The following HCN4 variants were observed in gnomAD, a reference collection of about 807,000 sequenced individuals.
HCN4 encodes the protein potassium/sodium hyperpolarization-activated cyclic nucleotide-gated channel 4.
Under a neutral mutation model 76.9 loss-of-function variants are expected in HCN4, and 29 were observed. That is an observed-to-expected ratio of 0.38 (90% confidence interval 0.28 to 0.51). The LOEUF is 0.51. Among genes scored for constraint, HCN4 ranks in the 20% least tolerant of loss-of-function variants. The probability of loss-of-function intolerance (pLI) is 0.90; values close to 1 mark genes in which losing one functional copy is unlikely to be tolerated. For missense variants in HCN4, 1,416 were observed against 1,715.2 expected (o/e 0.83, Z 3.08); for synonymous variants, 772 against 762.5 (o/e 1.01, Z -0.21).
intron 2 of HCN4, among the ~76,000 whole-genome samples, chr15:73,332,603 G>A (rs2042939773): frequency 6.6e-6 from 1 of 152,200 alleles, no homozygotes; most frequent in African/African-American, 2.4e-5. Flanking sequence ...CCCAGAAGTG[G>A]GCAGAGAAGC....
intron 1 of HCN4, among the ~76,000 whole-genome samples, chr15:73,344,686 A>G (rs149970303): frequency 1.3e-5 from 2 of 152,334 alleles, no homozygotes; most frequent in Non-Finnish European, 2.9e-5. Flanking sequence ...AGTCGTTTGT[A>G]GAGGGAGCCT....
Position 73,367,350 on chromosome 15 carries a change from GC to G in HCN4, c.785+135del. On this transcript the variant is annotated intron_variant, in intron 1 of 7. Transcript: ENST00000261917. This position sits in a 1 kb window ranked among gnomAD's most constrained non-coding sequence, Gnocchi z 7.5. ...GGAGGGGGCCTGGGGGTGTCTCGGA[GC>G]CTAGAGGCGCCCTGCCTCTCTTGGA... 2 of 1,364,358 alleles carry G rather than the reference GC, an allele frequency of 1.5e-6. 1 individual carries two copies. Among genetic ancestry groups the G allele is most frequent in the South Asian group, 2.7e-5 (2 of 72,870 alleles). The allele number at this position is 1,364,358 out of a possible 1,614,324, so 84.5% of individuals were successfully genotyped here. A position where few individuals can be genotyped will look rare whatever the true frequency, so the allele number is the denominator to read the frequency against.
chr15:73,337,632 C>CAGCAATGA (rs1214654030), intron 2 of HCN4, among the ~76,000 whole-genome samples: 2 of 152,182 alleles, frequency 1.3e-5, no homozygotes, highest in Non-Finnish European at 2.9e-5. Flanking sequence ...ATCGTGATCT[C>CAGCAATGA]AGCAATGAAC....
intron 1 of HCN4, among the ~76,000 whole-genome samples, chr15:73,361,228 G>A (rs2043103437): frequency 6.6e-6 from 1 of 152,148 alleles, no homozygotes. Flanking sequence ...CACGGTGACG[G>A]GGAGCTCACC....
rs531077719 is a variant in HCN4 at position 73,328,238 on chromosome 15, C to T, written c.1590+1335G>A. 9.2e-5 allele frequency among the ~76,000 whole-genome samples: 14 copies of T among 151,878 alleles called. No homozygotes were observed. The highest frequency in any genetic ancestry group is 2.9e-4 in the African/African-American group (12 of 41,402). On this transcript the variant is annotated intron_variant, in intron 4 of 7. Coordinates refer to ENST00000261917, the MANE Select transcript of HCN4 (RefSeq NM_005477.3). This position sits in a 1 kb window ranked among gnomAD's most constrained non-coding sequence, Gnocchi z 4.0. ...ACGTGGAGAGGGTGTCAGGTGGACA[C>T]CTGGGGAGGAGAGTTGAGGGTGAAA...
chr15:73,344,411 C>A (rs982396697), intron 1 of HCN4, among the ~76,000 whole-genome samples: 1 of 152,214 alleles, frequency 6.6e-6, no homozygotes, highest in Non-Finnish European at 1.5e-5. Context: ...TGTAATGAGT[C>A]CTATCATTCT....
intron 6 of HCN4, among the ~76,000 whole-genome samples, chr15:73,324,704 G>GC (rs1329446933): frequency 6.6e-6 from 1 of 152,104 alleles, no homozygotes; most frequent in African/African-American, 2.4e-5. Flanking sequence ...AACCATGCTG[G>GC]CCCCCTCAGC....
chr15:73,332,853 G>A (rs1393252590), intron 2 of HCN4, among the ~76,000 whole-genome samples: 1 of 152,182 alleles, frequency 6.6e-6, no homozygotes, highest in Admixed American at 6.5e-5. Context: ...GTTCCTAGCT[G>A]TGTAACCTTG....
intron 1 of HCN4, among the ~76,000 whole-genome samples, chr15:73,350,185 C>T (rs1282033864): frequency 6.6e-6 from 1 of 152,156 alleles, no homozygotes; most frequent in Non-Finnish European, 1.5e-5. Context: ...TCATCAGAAC[C>T]CTCCTACATC....
chr15:73,357,737 A>T lies in HCN4; in HGVS notation c.785+9749T>A, dbSNP rs189597237. Among the ~76,000 whole-genome samples the T allele has an allele frequency of 1.8e-3, 275 of 152,004 alleles. 2 individuals carry two copies. The highest frequency in any genetic ancestry group is 6.1e-3 in the African/African-American group (251 of 41,474). ...TCAAGAGGCCTCACCAATATGACAC[A>T]ACGTGCCAGGAAGACCCCCAGCCCC... is the stretch of plus-strand genomic sequence containing the variant. On this transcript the variant is annotated intron_variant, in intron 1 of 7. Coordinates refer to ENST00000261917, the MANE Select transcript of HCN4 (RefSeq NM_005477.3).
intron 1 of HCN4, among the ~76,000 whole-genome samples, chr15:73,348,399 TGCACACAC>T (rs1310068377): frequency 2.6e-5 from 4 of 152,208 alleles, no homozygotes; most frequent in East Asian, 1.9e-4. Context: ...CGAACATGCG[TGCACACAC>T]GCACACACAC....
intron 6 of HCN4, 27 bp downstream of exon 6, chr15:73,324,928 G>A: frequency 2.5e-6 from 4 of 1,613,366 alleles, no homozygotes; most frequent in East Asian, 2.2e-5. Context: ...CAGCTGCCCT[G>A]TCCCCCAGGG....
Position 73,323,466 on chromosome 15 carries a change from G to A in HCN4, c.2627C>T (p.Pro876Leu), listed in dbSNP as rs1567768619. Residue 876 changes from proline (P) to leucine (L), a missense_variant, in exon 8 of 8, where the codon CCC becomes CTC. This residue lies in a region of HCN4 where 633 missense variants were observed against 579.8 expected (regional missense o/e 1.09). Transcript: ENST00000261917. ...GGGGGGTGGGGAGGAGCTGGATGAG[G>A]GCAGGAGTGGGCTCAGTCCAGCGGG... ...SAPAGLSPLL[P>L]SSSSSPPPGA... The A allele has an allele frequency of 6.2e-7, 1 of 1,607,362 alleles. No homozygotes were observed. Among genetic ancestry groups the A allele is most frequent in the Non-Finnish European group, 8.5e-7 (1 of 1,179,666 alleles).
chr15:73,360,579 AT>A (rs1752454732), intron 1 of HCN4, among the ~76,000 whole-genome samples: 2 of 152,186 alleles, frequency 1.3e-5, no homozygotes, highest in Non-Finnish European at 2.9e-5. Context: ...AGAAGGAGGA[AT>A]GTCAAATTCC....
chr15:73,366,984 G>A (rs2043131093), intron 1 of HCN4, among the ~76,000 whole-genome samples: 1 of 152,196 alleles, frequency 6.6e-6, no homozygotes, highest in South Asian at 2.1e-4. Flanking sequence ...AGTGACTTCG[G>A]TCCTCCAGGG....
rs145264570 is a variant in HCN4 at position 73,341,452 on chromosome 15, C to T, written c.1209+1933G>A. On this transcript the variant is annotated intron_variant, in intron 2 of 7. Transcript: ENST00000261917. Reference sequence around the variant, plus strand: ...CCACCGCGCCCGGCCAGGAGGGACACATATTAAACAGTTCTTCTGCACCAG... The same window carrying T: ...CCACCGCGCCCGGCCAGGAGGGACATATATTAAACAGTTCTTCTGCACCAG... Among the ~76,000 whole-genome samples, 896 of 152,246 alleles carry T rather than the reference C, an allele frequency of 5.9e-3. 3 individuals are homozygous for T. Among genetic ancestry groups the T allele is most frequent in the Non-Finnish European group, 8.7e-3 (593 of 68,024 alleles).
intron 2 of HCN4, chr15:73,342,206 A>G (rs2043008966): frequency 6.6e-6 from 1 of 152,212 alleles, no homozygotes; most frequent in Non-Finnish European, 1.5e-5. Context: ...CAAAGCCCTT[A>G]GCTCCTCTGC....
chr15:73,342,073 G>A lies in HCN4; in HGVS notation c.1209+1312C>T, dbSNP rs546340781. Among the ~76,000 whole-genome samples the A allele has an allele frequency of 2.0e-5, 3 of 152,348 alleles. No individual in the cohort carries two copies. In the East Asian group the frequency reaches 5.8e-4, roughly 29 times the overall value. The stretch of plus-strand genomic sequence containing the variant: ...AGGTGGCAGGGATCCAAGGTGGGCT[G>A]TCTCACAGAGAGAGTAGGCCCTCCA... On this transcript the variant is annotated intron_variant, in intron 2 of 7. Coordinates refer to ENST00000261917, the MANE Select transcript of HCN4 (RefSeq NM_005477.3).
At chr15:73,334,985 G>C (rs938209937) in intron 2 of HCN4, among the ~76,000 whole-genome samples, 1 of 151,968 alleles carries the variant, frequency 6.6e-6, no homozygotes, top group African/African-American at 2.4e-5. Flanking sequence ...TATAAAAAGA[G>C]ACCAGACAGA....
Sources: gnomAD v4.1 joint callset for allele counts (sites outside exome capture counted in the v4.1 genomes callset) on GRCh38, gnomAD v4.1.1 for gene constraint, gnomAD v4.1.1 regional missense constraint, Gnocchi (gnomAD v3.1) non-coding constraint, MANE v1.5 for transcripts, NCBI Gene and HGNC (gene_info 2026-07-23, HGNC 2026-07-21) for gene names.